The following DLC1 variants were observed in gnomAD, a reference collection of about 807,000 sequenced individuals.
The protein encoded by DLC1 is rho GTPase-activating protein 7.
A neutral mutation model predicts 140.3 loss-of-function variants in DLC1; 54 were observed. The ratio of observed to expected loss-of-function variants is 0.38; its 90% CI spans 0.31 to 0.48. DLC1 has a LOEUF of 0.48. Ranked by LOEUF, DLC1 falls within the 20% of genes least tolerant of loss-of-function variation. The pLI, the probability that DLC1 is intolerant of heterozygous loss-of-function variation, is 0.96. For synonymous variants in DLC1, 986 were observed against 728.1 expected (o/e 1.35, Z -5.70); for missense variants, 2,536 against 1,907.0 (o/e 1.33, Z -6.14).
intron 2 of DLC1, among the ~76,000 whole-genome samples, chr8:13,430,584 T>G (rs911381683): frequency 6.6e-6 from 1 of 152,170 alleles, no homozygotes; most frequent in Non-Finnish European, 1.5e-5. Context: ...GCAGTACTTT[T>G]GAAGGTGAAA....
intron 1 of DLC1, chr8:13,567,777 GAA>G: frequency 6.4e-7 from 1 of 1,551,912 alleles, no homozygotes; most frequent in Non-Finnish European, 8.7e-7. Context: ...GAATAATCTG[GAA>G]AAGACTGACT....
chr8:13,356,845 A>AT (rs1002402717), intron 4 of DLC1, among the ~76,000 whole-genome samples: 8 of 151,036 alleles, frequency 5.3e-5, no homozygotes, highest in East Asian at 1.9e-4. Flanking sequence ...TTTTTTTATT[A>AT]TTTTTTTATT....
chr8:13,110,685 G>A, intron 7 of DLC1, 57 bp downstream of exon 7: 1 of 1,494,576 alleles, frequency 6.7e-7, no homozygotes, highest in South Asian at 1.2e-5. Flanking sequence ...ATCTTTGTGA[G>A]AAGTACTGTG....
chr8:13,577,305 C>T (rs1804878868), intron 1 of DLC1, among the ~76,000 whole-genome samples: 1 of 152,188 alleles, frequency 6.6e-6, no homozygotes, highest in Non-Finnish European at 1.5e-5. Context: ...GCCTATTTTA[C>T]ATGACAAGGA....
intron 2 of DLC1, among the ~76,000 whole-genome samples, chr8:13,425,969 C>T (rs1043532892): frequency 1.2e-4 from 19 of 152,110 alleles, no homozygotes; most frequent in Non-Finnish European, 1.3e-4. Flanking sequence ...TGCACCACCA[C>T]ATCTGGCTAG....
chr8:13,128,845 A>AG (rs1821825743), intron 5 of DLC1, among the ~76,000 whole-genome samples: 1 of 150,038 alleles, frequency 6.7e-6, no homozygotes, highest in African/African-American at 2.5e-5. Context: ...AAAAAAAAAA[A>AG]AGAGAAAAAA....
chr8:13,110,628 C>T (rs1374284505), intron 7 of DLC1, 114 bp downstream of exon 7: 2 of 982,394 alleles, frequency 2.0e-6, no homozygotes, highest in African/African-American at 1.6e-5. Context: ...TATGGTTTGC[C>T]AATAAAAACC....
At chr8:13,352,137 A>G (rs1834701039) in intron 4 of DLC1, among the ~76,000 whole-genome samples, 2 of 152,190 alleles carry the variant, frequency 1.3e-5, no homozygotes, top group South Asian at 4.1e-4. Context: ...TGTTTACAAG[A>G]CACTGTTCAA....
intron 5 of DLC1, among the ~76,000 whole-genome samples, chr8:13,256,658 G>C (rs947830350): frequency 6.6e-6 from 1 of 152,090 alleles, no homozygotes; most frequent in Non-Finnish European, 1.5e-5. Flanking sequence ...TCACTCATAA[G>C]TGGGAGTTGA....
chr8:13,233,293 TAAAAAAAAA>T (rs71207134), intron 5 of DLC1, among the ~76,000 whole-genome samples: 5 of 70,386 alleles, frequency 7.1e-5, no homozygotes, highest in Non-Finnish European at 7.9e-5. Context: ...AGACTCTGTA[TAAAAAAAAA>T]AAAAAAAAAA....
chr8:13,565,195 A>G (rs149943249), intron 1 of DLC1, among the ~76,000 whole-genome samples: 2,052 of 152,274 alleles, frequency 0.013, 53 homozygotes, highest in African/African-American at 0.047. Context: ...ACCCACATAT[A>G]TCTCCTTCTA....
chr8:13,415,053 T>G lies in DLC1; in HGVS notation c.1024-13434A>C, dbSNP rs113148211. On this transcript the variant is annotated intron_variant, in intron 2 of 17. Transcript: ENST00000276297. ...GGTCTCGAACTCCTGACCTTGTGAT[T>G]TGCCCACCTTGGCCTCCTAAAATGC... Among the ~76,000 whole-genome samples, 489 of 152,204 alleles carry G rather than the reference T, an allele frequency of 3.2e-3. 3 individuals carry two copies. Among genetic ancestry groups the G allele is most frequent in the African/African-American group, 9.9e-3 (410 of 41,532 alleles).
chr8:13,511,245 A>G (rs1802349614), intron 1 of DLC1, among the ~76,000 whole-genome samples: 2 of 152,112 alleles, frequency 1.3e-5, no homozygotes, highest in Non-Finnish European at 2.9e-5. Flanking sequence ...ACCTTTTCAC[A>G]CATGCAATTG....
intron 5 of DLC1, chr8:13,304,845 C>T (rs1228848576): frequency 1.3e-5 from 13 of 983,180 alleles, no homozygotes; most frequent in African/African-American, 3.5e-5. Flanking sequence ...ATTGCTTCAT[C>T]ACTATATTTT....
intron 5 of DLC1, among the ~76,000 whole-genome samples, chr8:13,165,150 A>T (rs1389063060): frequency 6.6e-6 from 1 of 152,212 alleles, no homozygotes; most frequent in Non-Finnish European, 1.5e-5. Context: ...TTTTAGTATA[A>T]CTGTGTCCTA....
At chr8:13,309,609 G>A (rs927766596) in intron 4 of DLC1, among the ~76,000 whole-genome samples, 1 of 152,116 alleles carries the variant, frequency 6.6e-6, no homozygotes, top group Non-Finnish European at 1.5e-5. Context: ...TGTGTTTTTG[G>A]ATGTGAAAGA....
intron 2 of DLC1, among the ~76,000 whole-genome samples, chr8:13,497,832 T>G (rs1801582533): frequency 6.6e-6 from 1 of 152,230 alleles, no homozygotes; most frequent in South Asian, 2.1e-4. Context: ...TGTAAGGAAG[T>G]GAGAGTCTGC....
intron 1 of DLC1, among the ~76,000 whole-genome samples, chr8:13,578,403 C>T (rs190569139): frequency 1.2e-4 from 19 of 152,220 alleles, no homozygotes; most frequent in Admixed American, 1.1e-3. Flanking sequence ...GTTTTCCCTG[C>T]TACACCAAGC....
chr8:13,449,509 G>A (rs967693306), intron 2 of DLC1, among the ~76,000 whole-genome samples: 1 of 152,258 alleles, frequency 6.6e-6, no homozygotes, highest in Non-Finnish European at 1.5e-5. Flanking sequence ...CAGGATTTAG[G>A]AACCTGACAC....
Sources: gnomAD v4.1 joint callset for allele counts (sites outside exome capture counted in the v4.1 genomes callset) on GRCh38, gnomAD v4.1.1 for gene constraint, MANE v1.5 for transcripts, NCBI Gene and HGNC (gene_info 2026-07-23, HGNC 2026-07-21) for gene names.